The following MSRA variants were observed in gnomAD, a reference collection of about 807,000 sequenced individuals.
MSRA encodes methionine sulfoxide reductase A.
MSRA carries 54 observed loss-of-function variants against 31.3 expected under a neutral mutation model. The ratio of observed to expected loss-of-function variants is 1.73; its 90% CI spans 1.39 to 2.17. MSRA has a LOEUF of 2.17. Among genes scored for constraint, MSRA ranks in the 30% most tolerant of loss-of-function variants. The pLI is 0.00. For synonymous variants in MSRA, 169 were observed against 116.5 expected, an observed-to-expected ratio of 1.45 and a Z score of -2.90; for missense variants, 507 against 300.9, an observed-to-expected ratio of 1.69 and a Z score of -5.07.
At chr8:10,385,502 G>C (rs1400390229) in intron 5 of MSRA, among the ~76,000 whole-genome samples, 2 of 152,166 alleles carry the variant, frequency 1.3e-5, no homozygotes, top group African/African-American at 4.8e-5. Context: ...GCTGAAAGAT[G>C]GGACAGGATG....
chr8:10,054,500 T>C lies in MSRA; in HGVS notation c.-17T>C, dbSNP rs1585050090. On this transcript the variant is annotated 5_prime_UTR_variant, in exon 1 of 6. Coordinates refer to ENST00000317173, the MANE Select transcript of MSRA (RefSeq NM_012331.5). ...TAGCGCCGTCCCCCGGGACCACCCT[T>C]CGGCTGGCGCCCTCCCATGCTCTCG... 6.4e-7 allele frequency: 1 copy of C among 1,565,084 alleles called. No individual in the cohort carries two copies. Among genetic ancestry groups the C allele is most frequent in the East Asian group, 2.6e-5 (1 of 38,340 alleles).
chr8:10,313,802 G>C (rs11249985), intron 4 of MSRA, among the ~76,000 whole-genome samples: 2 of 152,154 alleles, frequency 1.3e-5, no homozygotes, highest in African/African-American at 4.8e-5. Flanking sequence ...AGCTACAGCT[G>C]TTAAGACATT....
At chr8:10,123,479 C>G (rs1801274213) in intron 1 of MSRA, among the ~76,000 whole-genome samples, 1 of 152,156 alleles carries the variant, frequency 6.6e-6, no homozygotes, top group East Asian at 1.9e-4. Context: ...TCTGTTTACT[C>G]TGTTGATAGT....
chr8:10,120,541 T>C (rs1257036705), intron 1 of MSRA, among the ~76,000 whole-genome samples: 2 of 152,218 alleles, frequency 1.3e-5, no homozygotes, highest in Non-Finnish European at 2.9e-5. Flanking sequence ...TTATCCAGCG[T>C]TACCTCACGT....
chr8:10,391,687 T>C (rs989092685), intron 5 of MSRA, among the ~76,000 whole-genome samples: 1 of 152,186 alleles, frequency 6.6e-6, no homozygotes, highest in Non-Finnish European at 1.5e-5. Flanking sequence ...TCGGTTCTTC[T>C]ACACGAGCAC....
intron 5 of MSRA, among the ~76,000 whole-genome samples, chr8:10,397,312 C>T (rs977219175): frequency 7.9e-5 from 12 of 152,158 alleles, no homozygotes; most frequent in Non-Finnish European, 1.8e-4. Context: ...TTAGTATTGA[C>T]CCTGGTACTT....
intron 5 of MSRA, among the ~76,000 whole-genome samples, chr8:10,400,319 A>T (rs1458075316): frequency 1.3e-5 from 2 of 151,382 alleles, no homozygotes; most frequent in African/African-American, 4.9e-5. Context: ...TAAATCAGAG[A>T]GAAGGTCAGG....
At chr8:10,102,329 A>G (rs190000240) in intron 1 of MSRA, among the ~76,000 whole-genome samples, 45 of 152,048 alleles carry the variant, frequency 3.0e-4, no homozygotes, top group African/African-American at 9.9e-4. Flanking sequence ...TTTTAAGTCT[A>G]TTTTCTCTTT....
intron 1 of MSRA, among the ~76,000 whole-genome samples, chr8:10,153,668 A>AC (rs1455132430): frequency 6.6e-6 from 1 of 152,136 alleles, no homozygotes; most frequent in Non-Finnish European, 1.5e-5. Flanking sequence ...GGTGTCGCCC[A>AC]CCGTCTGAGA....
intron 2 of MSRA, among the ~76,000 whole-genome samples, chr8:10,230,012 A>G (rs1811330851): frequency 6.6e-6 from 1 of 152,202 alleles, no homozygotes; most frequent in Non-Finnish European, 1.5e-5. Flanking sequence ...ACTACACTAC[A>G]TTGATAAAGA....
chr8:10,067,874 G>GTTTTTTTTTTTTTTTTTTTTTTTTTT (rs71203303), intron 1 of MSRA, among the ~76,000 whole-genome samples: 1 of 49,368 alleles, frequency 2.0e-5, no homozygotes, highest in African/African-American at 5.6e-5. Context: ...TTCTTACTGA[G>GTTTTTTTTTTTTTTTTTTTTTTTTTT]TTTTTTTTTT....
intron 5 of MSRA, among the ~76,000 whole-genome samples, chr8:10,371,931 C>T (rs1412415603): frequency 6.6e-6 from 1 of 152,182 alleles, no homozygotes; most frequent in African/African-American, 2.4e-5. Flanking sequence ...AGAAGTCTTT[C>T]CTTACACATG....
At chr8:10,370,741 G>A (rs991068992) in intron 5 of MSRA, among the ~76,000 whole-genome samples, 1 of 152,220 alleles carries the variant, frequency 6.6e-6, no homozygotes, top group African/African-American at 2.4e-5. Flanking sequence ...CGACAAGGAG[G>A]AAGCCCTGCT....
chr8:10,070,581 A>G (rs1483391319), intron 1 of MSRA, among the ~76,000 whole-genome samples: 1 of 152,242 alleles, frequency 6.6e-6, no homozygotes, highest in Non-Finnish European at 1.5e-5. Context: ...TGACAATGAC[A>G]GAGTCAATAT....
chr8:10,334,216 C>T (rs113030640), intron 5 of MSRA, among the ~76,000 whole-genome samples: 6 of 136,644 alleles, frequency 4.4e-5, no homozygotes, highest in African/African-American at 1.1e-4. Flanking sequence ...GTGTGTGTGT[C>T]TGGGTATATA....
intron 5 of MSRA, among the ~76,000 whole-genome samples, chr8:10,321,180 CT>C (rs1802024287): frequency 6.6e-6 from 1 of 152,046 alleles, no homozygotes; most frequent in Non-Finnish European, 1.5e-5. Context: ...AGTTGACTTG[CT>C]TTAGTTTTTA....
intron 5 of MSRA, among the ~76,000 whole-genome samples, chr8:10,409,090 G>A (rs1350334293): frequency 6.6e-6 from 1 of 152,196 alleles, no homozygotes; most frequent in East Asian, 1.9e-4. Context: ...GCCCAGCAGT[G>A]GGATTGCTGG....
chr8:10,360,322 G>GAACAAAAAACA (rs1804772213), intron 5 of MSRA, among the ~76,000 whole-genome samples: 1 of 152,140 alleles, frequency 6.6e-6, no homozygotes, highest in Admixed American at 6.5e-5. Flanking sequence ...CCTCAAAAAA[G>GAACAAAAAACA]AACAAAAAAC....
At chr8:10,168,663 G>C (rs544700732) in intron 1 of MSRA, among the ~76,000 whole-genome samples, 2 of 152,268 alleles carry the variant, frequency 1.3e-5, no homozygotes, top group African/African-American at 4.8e-5. Flanking sequence ...ATGTCACATA[G>C]CTAGTAAGTG....
Sources: gnomAD v4.1 joint callset for allele counts (sites outside exome capture counted in the v4.1 genomes callset) on GRCh38, gnomAD v4.1.1 for gene constraint, MANE v1.5 for transcripts, NCBI Gene and HGNC (gene_info 2026-07-23, HGNC 2026-07-21) for gene names.